Variants in ADAMTS14 observed in about 807,000 individuals in gnomAD.
ADAMTS14 encodes ADAM metallopeptidase with thrombospondin type 1 motif 14.
ADAMTS14 carries 100 observed loss-of-function variants against 128.6 expected under a neutral mutation model. That is an observed-to-expected ratio of 0.78 (90% CI 0.66 to 0.92). ADAMTS14 has a LOEUF of 0.92. Ranked by LOEUF, ADAMTS14 falls within the 40% of genes least tolerant of loss-of-function variation. The pLI is 0.00. For missense variants in ADAMTS14, 1,562 were observed against 1,658.6 expected (o/e 0.94, Z 1.01); for synonymous variants, 665 against 653.8 (o/e 1.02, Z -0.26).
rs746087937 is a variant in ADAMTS14 at position 70,758,083 on chromosome 10, C to G, written c.3059C>G (p.Ala1020Gly). The change falls in exon 20 of 22, where the codon GCC (alanine) becomes GGC (glycine). Residue 1020 changes from alanine (A) to glycine (G), a missense_variant. Physicochemically the swap from Ala to Gly is moderately conservative, Grantham distance 60. Coordinates refer to ENST00000373207, the MANE Select transcript of ADAMTS14 (RefSeq NM_080722.4). ...ACTGTCCAGGTCTGCAGCCTGCCCG[C>G]CTGTGGAGGTGAGCCAGAGGGGATG... ...PDTVQVCSLP[A>G]CGGNHQNSTV... 1 of 1,612,220 alleles carries G rather than the reference C, an allele frequency of 6.2e-7. No individual in the cohort carries two copies. Among genetic ancestry groups the G allele is most frequent in the South Asian group, 1.1e-5 (1 of 90,688 alleles).
intron 4 of ADAMTS14, among the ~76,000 whole-genome samples, chr10:70,725,384 G>A (rs1469693945): frequency 6.6e-6 from 1 of 152,154 alleles, no homozygotes; most frequent in Non-Finnish European, 1.5e-5. Flanking sequence ...AGATGGAGGG[G>A]GATGGCTTAG....
chr10:70,749,883 C>A lies in ADAMTS14; in HGVS notation c.2325C>A (p.Ser775Arg), dbSNP rs757460997. 8.1e-6 allele frequency: 13 copies of A among 1,614,152 alleles called. No individual in the cohort carries two copies. Among genetic ancestry groups the A allele is most frequent in the Non-Finnish European group, 1.1e-5 (13 of 1,180,028 alleles). ...ILNPKGKEATSRTFTAMGLEW... is the reference protein window; with the variant it reads ...ILNPKGKEATRRTFTAMGLEW... ...ACCCCAAGGGCAAGGAAGCCACAAG[C>A]CGGACCTTCACCGCCATGGGCCTGG... The change falls in exon 16 of 22, where the codon AGC (serine) becomes AGA (arginine). Residue 775 changes from serine (S) to arginine (R), a missense_variant. By Grantham distance (110) the Ser-to-Arg change is moderately radical. Coordinates refer to ENST00000373207, the MANE Select transcript of ADAMTS14 (RefSeq NM_080722.4).
In ADAMTS14 at chr10:70,752,105, C is replaced by T. The variant is rs780014054; in HGVS notation, c.2607C>T (p.Phe869=). 3.1e-6 allele frequency: 5 copies of T among 1,612,924 alleles called. No individual in the cohort carries two copies. Among genetic ancestry groups the T allele is most frequent in the Non-Finnish European group, 4.2e-6 (5 of 1,179,746 alleles). The stretch of plus-strand genomic sequence containing the variant: ...CTGCCCACCCCATAGGGATCCAGTT[C>T]ACCAAATACGGCTGCCGGCGCAGAC... ...CSKACGGGIQ[F]TKYGCRRRRD... Residue 869 remains phenylalanine, a synonymous_variant, in exon 18 of 22, where the codon TTC becomes TTT. Coordinates refer to ENST00000373207, the MANE Select transcript of ADAMTS14 (RefSeq NM_080722.4).
chr10:70,751,374 G>A, intron 16 of ADAMTS14, 104 bp from the exon 17 acceptor site: 1 of 1,163,790 alleles, frequency 8.6e-7, no homozygotes, highest in Admixed American at 1.8e-5. Flanking sequence ...GCTTTCACAG[G>A]TTCTGCTCCG....
intron 8 of ADAMTS14, 120 bp downstream of exon 8, chr10:70,734,148 A>G: frequency 1.5e-6 from 2 of 1,333,088 alleles, no homozygotes; most frequent in Non-Finnish European, 1.0e-6. Flanking sequence ...TCCGTGACTC[A>G]TCTCGCCTCC....
At chr10:70,716,818 A>G (rs1841066823) in intron 4 of ADAMTS14, among the ~76,000 whole-genome samples, 1 of 152,004 alleles carries the variant, frequency 6.6e-6, no homozygotes, top group African/African-American at 2.4e-5. Context: ...GAAGCACCCA[A>G]AGTTATCTGA....
intron 14 of ADAMTS14, 53 bp from the exon 15 acceptor site, chr10:70,745,173 G>A (rs1842137424): frequency 1.3e-6 from 2 of 1,570,428 alleles, no homozygotes; most frequent in East Asian, 2.2e-5. Context: ...ACGCTGGGCA[G>A]TGGGACCACC....
rs1589351103 is a variant in ADAMTS14 at position 70,760,933 on chromosome 10, A to AG, written c.*83dup. 22 of 1,473,766 alleles carry AG rather than the reference A, an allele frequency of 1.5e-5. No homozygotes were observed. In the East Asian group the frequency reaches 5.1e-4, roughly 34 times the overall value. 91.3% of individuals were successfully genotyped at this position (1,473,766 alleles called of 1,614,324 possible). A position where few individuals can be genotyped will look rare whatever the true frequency, so the allele number is the denominator to read the frequency against. On this transcript the variant is annotated 3_prime_UTR_variant, in exon 22 of 22. Transcript: ENST00000373207. ...TCCCAGCTCAGAGGACACACATAGCAGGGCAGGCGCAAGCACAGACTTCAT... is the reference window on the plus strand; with the variant it reads ...TCCCAGCTCAGAGGACACACATAGCAGGGGCAGGCGCAAGCACAGACTTCAT...
rs775553847 is a variant in ADAMTS14 at position 70,708,639 on chromosome 10, T to C, written c.731T>C (p.Leu244Pro). ...CTGCTGGGCCTGGTGGGGGACCAGC[T>C]GGGCGACACAGAGCGGAAGCGGCGG... is the stretch of plus-strand genomic sequence containing the variant. ...PNLLGLVGDQLGDTERKRRHA... is the reference protein window; with the variant it reads ...PNLLGLVGDQPGDTERKRRHA... Residue 244 changes from leucine (L) to proline (P), a missense_variant, in exon 4 of 22, where the codon CTG becomes CCG. Coordinates refer to ENST00000373207, the MANE Select transcript of ADAMTS14 (RefSeq NM_080722.4). The C allele has an allele frequency of 6.2e-7, 1 of 1,611,962 alleles. No homozygotes were observed. Among genetic ancestry groups the C allele is most frequent in the South Asian group, 1.1e-5 (1 of 90,978 alleles).
chr10:70,735,155 G>T lies in ADAMTS14; in HGVS notation c.1353-14G>T. ...GCTGTCAGCCTGGCTCACCTTCCTT[G>T]TCTCTACTGGCAGCTCCTACGACTG... On this transcript the variant is annotated splice_polypyrimidine_tract_variant and intron_variant, in intron 8 of 21. Coordinates refer to ENST00000373207, the MANE Select transcript of ADAMTS14 (RefSeq NM_080722.4). 1 of 1,606,278 alleles carries T rather than the reference G, an allele frequency of 6.2e-7. No individual in the cohort carries two copies.
In ADAMTS14 at chr10:70,735,451, G is replaced by A. The variant is rs188282223; in HGVS notation, c.1485+150G>A. 18 of 1,205,622 alleles carry A rather than the reference G, an allele frequency of 1.5e-5. No individual in the cohort carries two copies. In the African/African-American group the frequency reaches 2.6e-4, roughly 17 times the overall value. 74.7% of individuals were successfully genotyped at this position (1,205,622 alleles called of 1,614,324 possible). A position where few individuals can be genotyped will look rare whatever the true frequency, so the allele number is the denominator to read the frequency against. On this transcript the variant is annotated intron_variant, in intron 9 of 21. Coordinates refer to ENST00000373207, the MANE Select transcript of ADAMTS14 (RefSeq NM_080722.4). The stretch of plus-strand genomic sequence containing the variant: ...AGACACAGTGCCAGCCACCATGCAG[G>A]GATGCAGAGTGAACACCTGTGGGGG...
chr10:70,760,517 C>G lies in ADAMTS14; in HGVS notation c.3336C>G (p.Pro1112=). 6.2e-7 allele frequency: 1 copy of G among 1,613,812 alleles called. No individual in the cohort carries two copies. Among genetic ancestry groups the G allele is most frequent in the Non-Finnish European group, 8.5e-7 (1 of 1,179,916 alleles). ...CAGACCCTGGCCCAACCTCACTGCCCCCCTTCTCCACTCCTGGAAGCCCCT... is the reference window on the plus strand; with the variant it reads ...CAGACCCTGGCCCAACCTCACTGCCGCCCTTCTCCACTCCTGGAAGCCCCT... ...PGPDPGPTSL[P]PFSTPGSPLP... Residue 1112 remains proline, a synonymous_variant, in exon 22 of 22, where the codon CCC becomes CCG. Transcript: ENST00000373207.
chr10:70,683,014 T>A (rs1839859625), intron 2 of ADAMTS14, among the ~76,000 whole-genome samples: 1 of 152,240 alleles, frequency 6.6e-6, no homozygotes, highest in South Asian at 2.1e-4. Context: ...GTCCTCTCCG[T>A]GGCTATCTGG....
intron 4 of ADAMTS14, among the ~76,000 whole-genome samples, chr10:70,727,809 G>A (rs1348407586): frequency 6.6e-6 from 1 of 152,210 alleles, no homozygotes; most frequent in Admixed American, 6.5e-5. Context: ...CAAAATCTTG[G>A]CCTCGGCCGG....
rs375866595 is a variant in ADAMTS14, at chr10:70,730,150, G to T, written c.1003G>T (p.Val335Leu). ...GAACCCCTCACGCAGCCTGGAGCAG[G>T]TGTGTCGCTGGGCACACTCCCAGCA... ...RGNPSRSLEQ[V>L]CRWAHSQQRQ... is the part of the protein sequence containing the mutation. The change falls in exon 6 of 22, where the codon GTG becomes TTG. Residue 335 changes from valine (V) to leucine (L), a missense_variant. Transcript: ENST00000373207. 1.9e-6 allele frequency: 3 copies of T among 1,612,628 alleles called. No individual in the cohort carries two copies. The highest frequency in any genetic ancestry group is 1.7e-5 in the Admixed American group (1 of 60,030).
intron 4 of ADAMTS14, 131 bp from the exon 5 acceptor site, chr10:70,729,163 A>T (rs901130931): frequency 1.3e-5 from 10 of 746,056 alleles, no homozygotes; most frequent in Non-Finnish European, 2.3e-5. Flanking sequence ...TTATCTGTAA[A>T]GTAGGATAAG....
At chr10:70,735,434 T>C (rs12265782) in intron 9 of ADAMTS14, 133 bp downstream of exon 9, 24,756 of 1,308,080 alleles carry the variant, frequency 0.019, 1,485 homozygotes, top group Admixed American at 0.17. Flanking sequence ...ACAGACACAG[T>C]GCCAGCCACC....
chr10:70,757,817 C>T, intron 19 of ADAMTS14, 145 bp from the exon 20 acceptor site: 1 of 1,249,826 alleles, frequency 8.0e-7, no homozygotes, highest in East Asian at 2.4e-5. Context: ...GCATGTCCCT[C>T]TGGTCAAGTG....
intron 14 of ADAMTS14, among the ~76,000 whole-genome samples, chr10:70,744,561 T>C (rs953077773): frequency 3.9e-5 from 6 of 152,182 alleles, no homozygotes; most frequent in African/African-American, 1.4e-4. Context: ...CCTCTCTCCT[T>C]CCTTATTTTT....
Sources: gnomAD v4.1 joint callset for allele counts (sites outside exome capture counted in the v4.1 genomes callset) on GRCh38, gnomAD v4.1.1 for gene constraint, MANE v1.5 for transcripts, NCBI Gene and HGNC (gene_info 2026-07-23, HGNC 2026-07-21) for gene names.